CFAP299: variants seen among roughly 807,000 people sequenced by gnomAD.
CFAP299 encodes the protein cilia- and flagella-associated protein 299.
A neutral mutation model predicts 27.0 loss-of-function variants in CFAP299; 21 were observed. The observed-to-expected ratio is 0.78, with a 90% CI of 0.55 to 1.12. The LOEUF is 1.12. CFAP299 is among the 50% of genes most tolerant of loss of function. CFAP299 has a pLI of 0.00. For missense variants in CFAP299, 310 were observed against 276.6 expected (o/e 1.12, Z -0.86); for synonymous variants, 104 against 98.1 (o/e 1.06, Z -0.36).
At chr4:80,743,660 C>A (rs920644859) in intron 3 of CFAP299, among the ~76,000 whole-genome samples, 2 of 152,064 alleles carry the variant, frequency 1.3e-5, no homozygotes, top group African/African-American at 2.4e-5. Flanking sequence ...ACTTCATTTG[C>A]CACATGTCAG....
intron 2 of CFAP299, among the ~76,000 whole-genome samples, chr4:80,559,566 G>T (rs923028001): frequency 5.3e-5 from 8 of 152,274 alleles, no homozygotes; most frequent in African/African-American, 1.7e-4. Context: ...ACTAAAAGAG[G>T]CATTGAAGAG....
intron 2 of CFAP299, among the ~76,000 whole-genome samples, chr4:80,489,335 G>A (rs1325797799): frequency 6.6e-6 from 1 of 152,224 alleles, no homozygotes; most frequent in African/African-American, 2.4e-5. Flanking sequence ...CCTAAAGTTG[G>A]CAATTTTCTT....
chr4:80,941,224 C>T (rs1737178649), intron 4 of CFAP299, among the ~76,000 whole-genome samples: 1 of 152,032 alleles, frequency 6.6e-6, no homozygotes, highest in Admixed American at 6.6e-5. Context: ...CACATTTTTT[C>T]CCAAATATTT....
At chr4:80,639,411 A>T (rs11725982) in intron 3 of CFAP299, among the ~76,000 whole-genome samples, 134,335 of 152,196 alleles carry the variant, frequency 0.88, 59,781 homozygotes, top group East Asian at 1. Flanking sequence ...AGGTAAGGGG[A>T]TATAAAAATT....
intron 4 of CFAP299, among the ~76,000 whole-genome samples, chr4:80,919,019 A>G (rs1362146941): frequency 6.6e-6 from 1 of 152,162 alleles, no homozygotes; most frequent in East Asian, 1.9e-4. Context: ...AAAGCCCCCC[A>G]GAACAGCAAG....
chr4:80,785,565 A>T (rs894066969), intron 3 of CFAP299, among the ~76,000 whole-genome samples: 8 of 152,148 alleles, frequency 5.3e-5, no homozygotes, highest in African/African-American at 1.9e-4. Flanking sequence ...GAAAATTTGG[A>T]ATTATGGGAT....
chr4:80,691,979 A>C (rs1175433535), intron 3 of CFAP299, among the ~76,000 whole-genome samples: 1 of 152,120 alleles, frequency 6.6e-6, no homozygotes, highest in Non-Finnish European at 1.5e-5. Flanking sequence ...TAGGAATCCA[A>C]CTTACAAGGG....
At chr4:80,663,329 C>T (rs1162825484) in intron 3 of CFAP299, among the ~76,000 whole-genome samples, 1 of 151,984 alleles carries the variant, frequency 6.6e-6, no homozygotes, top group Non-Finnish European at 1.5e-5. Flanking sequence ...TGTTCCCCTC[C>T]CTGTGTCCAT....
chr4:80,757,244 AT>A (rs1239411745), intron 3 of CFAP299, among the ~76,000 whole-genome samples: 2 of 152,118 alleles, frequency 1.3e-5, no homozygotes, highest in Non-Finnish European at 2.9e-5. Flanking sequence ...AAAAAACAAA[AT>A]TGTAATTGGA....
In CFAP299 at chr4:80,591,105, A is replaced by ATT. The variant is rs70944795; in HGVS notation, c.333+7947_333+7948dup. ...GAAACAGATTATAATACTTTAGGAA[A>ATT]TTTTTTTTTTTTTTTTTTTTTTTTT... On this transcript the variant is annotated intron_variant, in intron 3 of 5. Coordinates refer to ENST00000358105, the MANE Select transcript of CFAP299 (RefSeq NM_152770.3). 7.5e-4 allele frequency among the ~76,000 whole-genome samples: 95 copies of ATT among 126,880 alleles called. 2 individuals are homozygous for ATT. Among genetic ancestry groups the ATT allele is most frequent in the African/African-American group, 2.5e-3 (82 of 32,822 alleles). 83.2% of individuals were successfully genotyped at this position (126,880 alleles called of 152,430 possible).
intron 5 of CFAP299, among the ~76,000 whole-genome samples, chr4:80,954,972 C>A (rs1225692028): frequency 7.4e-6 from 1 of 135,538 alleles, no homozygotes; most frequent in African/African-American, 2.9e-5. Context: ...TGCACTCCAG[C>A]CTGGGTGACA....
chr4:80,703,383 CT>C (rs1721629886), intron 3 of CFAP299, among the ~76,000 whole-genome samples: 1 of 151,580 alleles, frequency 6.6e-6, no homozygotes, highest in Admixed American at 6.6e-5. Context: ...GTCTTTAGTT[CT>C]TTTGTGCAGA....
At chr4:80,575,021 G>A (rs1282566827) in intron 2 of CFAP299, among the ~76,000 whole-genome samples, 3 of 152,072 alleles carry the variant, frequency 2.0e-5, no homozygotes, top group Non-Finnish European at 4.4e-5. Flanking sequence ...TTTCAGAATA[G>A]TTTGAGTAGG....
chr4:80,879,975 A>G (rs1269446907), intron 4 of CFAP299, among the ~76,000 whole-genome samples: 1 of 152,210 alleles, frequency 6.6e-6, no homozygotes, highest in Admixed American at 6.5e-5. Flanking sequence ...GAGGTCTACA[A>G]AGTCAGACCT....
intron 3 of CFAP299, among the ~76,000 whole-genome samples, chr4:80,608,575 G>A (rs572769315): frequency 6.6e-6 from 1 of 152,060 alleles, no homozygotes; most frequent in South Asian, 2.1e-4. Context: ...TTTTTTTAGG[G>A]TAAATGGCTC....
intron 3 of CFAP299, among the ~76,000 whole-genome samples, chr4:80,709,763 G>A (rs1722031188): frequency 6.6e-6 from 1 of 152,192 alleles, no homozygotes; most frequent in South Asian, 2.1e-4. Context: ...GCAAAAACCT[G>A]GGGACGTTAC....
chr4:80,350,359 A>C (rs947429549), intron 1 of CFAP299, among the ~76,000 whole-genome samples: 1 of 152,222 alleles, frequency 6.6e-6, no homozygotes, highest in Non-Finnish European at 1.5e-5. Context: ...TCTTAAAAAC[A>C]AAAGTAAAAG....
At chr4:80,929,716 G>T (rs1736505562) in intron 4 of CFAP299, among the ~76,000 whole-genome samples, 3 of 151,992 alleles carry the variant, frequency 2.0e-5, no homozygotes, top group African/African-American at 7.3e-5. Context: ...ATCACCCATT[G>T]CCAGGATGGA....
intron 2 of CFAP299, among the ~76,000 whole-genome samples, chr4:80,475,951 A>T (rs973404488): frequency 6.6e-6 from 1 of 152,232 alleles, no homozygotes; most frequent in Non-Finnish European, 1.5e-5. Context: ...AGACGCCAGT[A>T]AACAACAATG....
Sources: allele counts gnomAD v4.1 joint callset (sites outside exome capture counted in the v4.1 genomes callset), GRCh38; gene constraint gnomAD v4.1.1; transcripts MANE v1.5; gene names NCBI Gene and HGNC (gene_info 2026-07-23, HGNC 2026-07-21).